The following MAN2A2 variants were observed in gnomAD, a reference collection of about 807,000 sequenced individuals.
The protein encoded by MAN2A2 is alpha-mannosidase 2x.
MAN2A2 carries 79 observed loss-of-function variants against 126.8 expected under a neutral mutation model. That is an observed-to-expected ratio of 0.62 (90% CI 0.52 to 0.75). The LOEUF is 0.75. Among genes scored for constraint, MAN2A2 ranks in the 30% least tolerant of loss-of-function variants. The pLI, the probability that MAN2A2 is intolerant of heterozygous loss-of-function variation, is 0.00. For missense variants in MAN2A2, 1,392 were observed against 1,522.4 expected (o/e 0.91, Z 1.43); for synonymous variants, 671 against 618.7 (o/e 1.08, Z -1.25).
At chr15:90,904,391 G>A in intron 2 of MAN2A2, 52 bp downstream of exon 2, 1 of 1,585,380 alleles carries the variant, frequency 6.3e-7, no homozygotes. Flanking sequence ...CCTGGGCTCA[G>A]GGTATGCACC....
intron 22 of MAN2A2, 132 bp downstream of exon 22, chr15:90,918,887 G>C (rs1355411019): frequency 2.9e-6 from 2 of 682,942 alleles, no homozygotes; most frequent in Middle Eastern, 2.4e-4. Context: ...GGGGGAAGCT[G>C]TAGACATGTT....
In MAN2A2 at chr15:90,919,967, C is replaced by T; in HGVS notation, c.*180C>T. The T allele has an allele frequency of 1.6e-5, 11 of 688,662 alleles. No individual in the cohort carries two copies. Among genetic ancestry groups the T allele is most frequent in the Non-Finnish European group, 1.9e-5 (8 of 418,500 alleles). The allele number at this position is 688,662 out of a possible 1,614,324, so 42.7% of individuals were successfully genotyped here. On this transcript the variant is annotated 3_prime_UTR_variant, in exon 23 of 23. Coordinates refer to ENST00000559717, the MANE Select transcript of MAN2A2 (RefSeq NM_006122.4). ...GTGTTTTCGGCGCAACCCACAAACC[C>T]AGTGATGGGTAAATAGGGCAGACGC...
At chr15:90,902,515 G>A (rs2033920893), upstream of MAN2A2, 1 of 152,216 alleles carries the variant, frequency 6.6e-6, no homozygotes, top group Non-Finnish European at 1.5e-5. Flanking sequence ...GCCCGATCAT[G>A]CGCTTACTCA....
At chr15:90,910,995 T>G in intron 12 of MAN2A2, 34 bp downstream of exon 12, 2 of 1,566,734 alleles carry the variant, frequency 1.3e-6, no homozygotes, top group South Asian at 2.2e-5. Flanking sequence ...GGGGACCCTC[T>G]GGTGTGTGCA....
rs28362509 is a variant in MAN2A2, at chr15:90,903,358, C to T, written c.-93C>T. 6.5e-6 allele frequency: 1 copy of T among 152,680 alleles called. No homozygotes were observed. Among genetic ancestry groups the T allele is most frequent in the East Asian group, 1.9e-4 (1 of 5,194 alleles). The allele number at this position is 152,680 out of a possible 1,614,324, so 9.5% of individuals were successfully genotyped here. The stretch of plus-strand genomic sequence containing the variant: ...CGACAAAGCTCCTCGGCCCCAGGGC[C>T]CGCGGAGCAGACTCCGGAGCGCGGT... On this transcript the variant is annotated 5_prime_UTR_variant, in exon 1 of 23. Transcript: ENST00000559717.
At position 90,912,983 on chromosome 15, in the gene MAN2A2, A is replaced by G. The variant is rs143160506; in HGVS notation, c.2576A>G (p.Asn859Ser). The change falls in exon 17 of 23, where the codon AAT becomes AGT. Residue 859 changes from asparagine (N) to serine (S), a missense_variant. Coordinates refer to ENST00000559717, the MANE Select transcript of MAN2A2 (RefSeq NM_006122.4). ...ATTCACCAGGCGGTCCGGCTTTACA[A>G]TCTGCCAGGTGAGCCCTGCATATGA... is the stretch of plus-strand genomic sequence containing the variant. ...EHIHQAVRLY[N>S]LPGVEGLSLD... 1.9e-5 allele frequency: 30 copies of G among 1,613,258 alleles called. No individual in the cohort carries two copies. The highest frequency in any genetic ancestry group is 6.6e-5 in the South Asian group (6 of 91,052).
In MAN2A2 at chr15:90,911,544, C is replaced by T. The variant is rs2034742562; in HGVS notation, c.2103C>T (p.Val701=). 6.2e-7 allele frequency: 1 copy of T among 1,611,384 alleles called. No homozygotes were observed. ...CTGCCACCGAGGCGGTCCCTGACGTCTACCAGGTGAGGTGTGGGCTTGTCA... is the reference window on the plus strand; with the variant it reads ...CTGCCACCGAGGCGGTCCCTGACGTTTACCAGGTGAGGTGTGGGCTTGTCA... ...WSSATEAVPD[V]YQVSVPVRLP... is the part of the protein sequence containing the mutation. Residue 701 remains valine, a synonymous_variant, in exon 14 of 23, where the codon GTC becomes GTT. Coordinates refer to ENST00000559717, the MANE Select transcript of MAN2A2 (RefSeq NM_006122.4).
At chr15:90,907,591 T>C in intron 8 of MAN2A2, 96 bp downstream of exon 8, 1 of 1,219,092 alleles carries the variant, frequency 8.2e-7, no homozygotes, top group Non-Finnish European at 1.1e-6. Context: ...GGTGGTGAGT[T>C]GAGGCTCCTA....
Position 90,912,945 on chromosome 15 carries a change from G to A in MAN2A2, c.2538G>A (p.Ala846=), listed in dbSNP as rs913609300. The A allele has an allele frequency of 1.1e-5, 18 of 1,614,062 alleles. 1 individual carries two copies. Among genetic ancestry groups the A allele is most frequent in the Middle Eastern group, 1.7e-4 (1 of 6,060 alleles). The change falls in exon 17 of 23, where the codon GCG becomes GCA. Residue 846 remains alanine, a synonymous_variant. Transcript: ENST00000559717. ...GCCCTTTCTTCTCAGAGGTGGTTGC[G>A]TACTATGAGCACATTCACCAGGCGG... is the stretch of plus-strand genomic sequence containing the variant. ...TEGPFFSEVV[A]YYEHIHQAVR...
rs1379884324 is a variant in MAN2A2 at position 90,919,774 on chromosome 15, TC to T, written c.3442del (p.Arg1148AlafsTer22). On this transcript the variant is annotated frameshift_variant, in exon 23 of 23. Coordinates refer to ENST00000559717, the MANE Select transcript of MAN2A2 (RefSeq NM_006122.4). LOFTEE classifies it high-confidence loss of function. ...CCCATGGAGATTGCTACCTTTCGCC[TC>T]CGCTTGGGTTAGGGCTTCTTGTGGC... ...LEPMEIATFR[L>X]RLG 6.2e-7 allele frequency: 1 copy of T among 1,614,050 alleles called. No individual in the cohort carries two copies. The highest frequency in any genetic ancestry group is 8.5e-7 in the Non-Finnish European group (1 of 1,180,024).
Position 90,916,147 on chromosome 15 carries a change from G to A in MAN2A2, c.2885G>A (p.Arg962Gln), listed in dbSNP as rs1228275598. The A allele has an allele frequency of 3.7e-6, 6 of 1,613,894 alleles. No homozygotes were observed. Among genetic ancestry groups the A allele is most frequent in the African/African-American group, 1.3e-5 (1 of 74,910 alleles). The change falls in exon 20 of 23, where the codon CGG (arginine) becomes CAG (glutamine). Residue 962 changes from arginine to glutamine, a missense_variant. Arg to Gln is a conservative substitution (Grantham distance 43, BLOSUM62 1). Coordinates refer to ENST00000559717, the MANE Select transcript of MAN2A2 (RefSeq NM_006122.4). Reference protein sequence around the residue: ...KDGQLEVILDRRLMQDDNRGL... With the variant: ...KDGQLEVILDQRLMQDDNRGL... ...GGCCAGCTGGAGGTGATCTTGGACC[G>A]GCGGCTGATGCAGGATGACAACCGG... is the stretch of plus-strand genomic sequence containing the variant.
At chr15:90,904,030 AC>A in intron 1 of MAN2A2, 159 bp from the exon 2 acceptor site, 1 of 756,080 alleles carries the variant, frequency 1.3e-6, no homozygotes, top group Non-Finnish European at 2.3e-6. Flanking sequence ...TGCTACCAGG[AC>A]CAGGTGGGCC....
intron 20 of MAN2A2, chr15:90,916,513 T>C: frequency 7.3e-7 from 1 of 1,375,004 alleles, no homozygotes; most frequent in Non-Finnish European, 9.8e-7. Flanking sequence ...GCTGCCCTCC[T>C]CTGCCCTGTC....
chr15:90,906,364 C>G lies in MAN2A2; in HGVS notation c.708-6C>G. 6.2e-7 allele frequency: 1 copy of G among 1,614,104 alleles called. No individual in the cohort carries two copies. The highest frequency in any genetic ancestry group is 1.3e-5 in the African/African-American group (1 of 75,030). On this transcript the variant is annotated splice_polypyrimidine_tract_variant and splice_region_variant and intron_variant, in intron 5 of 22. Coordinates refer to ENST00000559717, the MANE Select transcript of MAN2A2 (RefSeq NM_006122.4). ...CTCCGTCCTGAGTGTGAGTCCTTAA[C>G]TATAGGCTGGTGGGAAACGGGCAGC...
At chr15:90,918,172 A>G in intron 20 of MAN2A2, 22 bp from the exon 21 acceptor site, 6 of 1,605,812 alleles carry the variant, frequency 3.7e-6, no homozygotes, top group Non-Finnish European at 4.3e-6. Flanking sequence ...TCCCTCACCA[A>G]TATCTCGGGT....
At chr15:90,913,572 T>C in intron 18 of MAN2A2, 42 bp from the exon 19 acceptor site, 1 of 1,588,152 alleles carries the variant, frequency 6.3e-7, no homozygotes, top group African/African-American at 1.3e-5. Flanking sequence ...TGGGCCCACA[T>C]GGTGCCCGGG....
rs1391665544 is a variant in MAN2A2, at chr15:90,913,752, G to T, written c.2857G>T (p.Asp953Tyr). The T allele has an allele frequency of 1.3e-6, 2 of 1,592,056 alleles. No individual in the cohort carries two copies. Among genetic ancestry groups the T allele is most frequent in the Non-Finnish European group, 1.7e-6 (2 of 1,168,206 alleles). ...AQALGVSSLK[D>Y]GQLEVILDRR... ...GGCCCTGGGTGTCTCTAGCCTCAAAGATGGTGAGTAGGGCCCAGGAGTTCT... is the reference window on the plus strand; with the variant it reads ...GGCCCTGGGTGTCTCTAGCCTCAAATATGGTGAGTAGGGCCCAGGAGTTCT... The change falls in exon 19 of 23, where the codon GAT becomes TAT. Residue 953 changes from aspartate (D) to tyrosine (Y), a missense_variant. Coordinates refer to ENST00000559717, the MANE Select transcript of MAN2A2 (RefSeq NM_006122.4).
In MAN2A2 at chr15:90,904,290, G is replaced by C. The variant is rs1350330651; in HGVS notation, c.83G>C (p.Arg28Pro). Residue 28 changes from arginine (R) to proline (P), a missense_variant, in exon 2 of 23, where the codon CGA (arginine) becomes CCA (proline). Arg to Pro is a moderately radical substitution (Grantham distance 103). Transcript: ENST00000559717. ...AVFSLYLMLD[R>P]VQHDPTRHQN... ...TTCTCGCTCTACCTCATGCTGGACC[G>C]AGTGCAACACGATCCCACCCGACAC... The C allele has an allele frequency of 6.2e-6, 10 of 1,614,126 alleles. No homozygotes were observed. The highest frequency in any genetic ancestry group is 8.5e-6 in the Non-Finnish European group (10 of 1,180,034).
In MAN2A2 at chr15:90,912,555, TG is replaced by T; in HGVS notation, c.2362del (p.Asp788MetfsTer126). The part of the protein sequence containing the change: ...LTGLLKSIRR[V>X]DEEHEQQVDM... Reference sequence around the variant, plus strand: ...GTTTTTTGGCAGAGCATCCGAAGGGTGGATGAGGAGCACGAGCAGCAGGTGG... The same window carrying T: ...GTTTTTTGGCAGAGCATCCGAAGGGTGATGAGGAGCACGAGCAGCAGGTGG... On this transcript the variant is annotated frameshift_variant, in exon 16 of 23. Transcript: ENST00000559717. LOFTEE classifies it high-confidence loss of function. 6.2e-7 allele frequency: 1 copy of T among 1,613,570 alleles called. No homozygotes were observed. Among genetic ancestry groups the T allele is most frequent in the Non-Finnish European group, 8.5e-7 (1 of 1,179,784 alleles).
Sources: allele counts gnomAD v4.1 joint callset, GRCh38; gene constraint gnomAD v4.1.1; transcripts MANE v1.5; gene names NCBI Gene and HGNC (gene_info 2026-07-23, HGNC 2026-07-21).